The following MPP7 variants were observed in gnomAD, a reference collection of about 807,000 sequenced individuals.
The protein encoded by MPP7 is MAGUK p55 scaffold protein 7, also known as MAGUK p55 subfamily member 7.
In MPP7, 60 loss-of-function variants were observed where a neutral mutation model predicts 76.5. The observed-to-expected ratio is 0.78, with a 90% CI of 0.64 to 0.97. MPP7 has a LOEUF of 0.97. Among genes scored for constraint, MPP7 ranks in the 50% least tolerant of loss-of-function variants. The probability of loss-of-function intolerance (pLI) is 0.00; values close to 1 mark genes in which losing one functional copy is unlikely to be tolerated. For missense variants in MPP7, 641 were observed against 694.0 expected (o/e 0.92, Z 0.86); for synonymous variants, 237 against 244.5 (o/e 0.97, Z 0.29).
intron 2 of MPP7, among the ~76,000 whole-genome samples, chr10:28,309,804 G>T (rs151252673): frequency 0.013 from 2,020 of 151,930 alleles, 57 homozygotes; most frequent in African/African-American, 0.046. Context: ...TTGGAGATCT[G>T]GTTGAGTAAA....
At chr10:28,220,593 A>G (rs1838468475) in intron 2 of MPP7, among the ~76,000 whole-genome samples, 1 of 152,164 alleles carries the variant, frequency 6.6e-6, no homozygotes, top group Non-Finnish European at 1.5e-5. Flanking sequence ...CTCTCATCAC[A>G]TTACTGTAGC....
At chr10:28,321,350 T>C (rs2133183935) in intron 2 of MPP7, among the ~76,000 whole-genome samples, 1 of 152,282 alleles carries the variant, frequency 6.6e-6, no homozygotes, top group African/African-American at 2.4e-5. Context: ...GAACACCCAA[T>C]ACACATCTTC....
chr10:28,136,048 C>T lies in MPP7; in HGVS notation c.316-4357G>A, dbSNP rs182929760. On this transcript the variant is annotated intron_variant, in intron 5 of 16. Transcript: ENST00000683449. ...CAGCAGCATTAGATTCTCATAGGAG[C>T]GTGAACCCTATTGTGAACTGAGTAT... 2.4e-4 allele frequency among the ~76,000 whole-genome samples: 37 copies of T among 152,064 alleles called. No homozygotes were observed. In the East Asian group the frequency reaches 5.2e-3, roughly 21 times the overall value.
chr10:28,232,729 T>A (rs1174851730), intron 2 of MPP7, among the ~76,000 whole-genome samples: 1 of 152,126 alleles, frequency 6.6e-6, no homozygotes, highest in Non-Finnish European at 1.5e-5. Context: ...AATCATAAAC[T>A]ATGTCTTATG....
chr10:28,106,265 T>C (rs1416386699), intron 11 of MPP7, among the ~76,000 whole-genome samples: 3 of 152,312 alleles, frequency 2.0e-5, no homozygotes, highest in East Asian at 1.9e-4. Context: ...TTCTAGACTA[T>C]TACCTCTCGC....
At chr10:28,178,980 A>T (rs1836968000) in intron 3 of MPP7, among the ~76,000 whole-genome samples, 1 of 152,222 alleles carries the variant, frequency 6.6e-6, no homozygotes, top group South Asian at 2.1e-4. Context: ...GCCAATATTC[A>T]CCTAAAAGAA....
At chr10:28,074,985 G>C (rs1254674596) in intron 12 of MPP7, among the ~76,000 whole-genome samples, 1 of 152,100 alleles carries the variant, frequency 6.6e-6, no homozygotes, top group Non-Finnish European at 1.5e-5. Context: ...AGTTCCGCAG[G>C]CTGCCTGTGA....
At chr10:28,168,625 TCTC>T (rs1339765840) in intron 3 of MPP7, among the ~76,000 whole-genome samples, 1 of 152,128 alleles carries the variant, frequency 6.6e-6, no homozygotes, top group African/African-American at 2.4e-5. Flanking sequence ...TTCACACCAT[TCTC>T]CTGCCTCCAC....
intron 12 of MPP7, among the ~76,000 whole-genome samples, chr10:28,070,680 C>T (rs776343333): frequency 2.6e-5 from 4 of 152,184 alleles, no homozygotes; most frequent in Non-Finnish European, 4.4e-5. Context: ...AGACCTTACA[C>T]ACTTTACTCA....
In MPP7 at chr10:28,054,091, C is replaced by T; in HGVS notation, c.1705G>A (p.Val569Met). ...FDKLETETHW[V>M]PVSWLHS ...TATGAATGTAACCAGCTCACTGGCA[C>T]CCAATGGGTCTCTGTCTCTAATTTG... Residue 569 changes from valine (V) to methionine (M), a missense_variant, in exon 17 of 17, where the codon GTG becomes ATG. Physicochemically the swap from Val to Met is conservative, Grantham distance 21. Coordinates refer to ENST00000683449, the MANE Select transcript of MPP7 (RefSeq NM_001318170.2). 6.2e-7 allele frequency: 1 copy of T among 1,613,744 alleles called. No homozygotes were observed. Among genetic ancestry groups the T allele is most frequent in the Non-Finnish European group, 8.5e-7 (1 of 1,179,874 alleles).
intron 1 of MPP7, among the ~76,000 whole-genome samples, chr10:28,296,019 T>A (rs1425363533): frequency 6.6e-6 from 1 of 152,242 alleles, no homozygotes; most frequent in Non-Finnish European, 1.5e-5. Context: ...GTCATTAATT[T>A]TATAAATTTC....
chr10:28,062,090 A>C (rs534325557), intron 13 of MPP7, among the ~76,000 whole-genome samples: 1 of 152,304 alleles, frequency 6.6e-6, no homozygotes, highest in East Asian at 1.9e-4. Flanking sequence ...TAATTGTGTA[A>C]ATGTAAACGT....
At chr10:28,087,784 G>A (rs1184373035) in intron 12 of MPP7, among the ~76,000 whole-genome samples, 1 of 152,194 alleles carries the variant, frequency 6.6e-6, no homozygotes, top group African/African-American at 2.4e-5. Context: ...CTGTGCTGGT[G>A]AAGGAGGCAG....
chr10:28,273,913 T>A (rs1244204157), intron 1 of MPP7, among the ~76,000 whole-genome samples: 1 of 151,994 alleles, frequency 6.6e-6, no homozygotes. Context: ...AAGGATTGCT[T>A]GAGCCCAGGA....
At chr10:28,146,121 C>A (rs1403281395) in intron 5 of MPP7, among the ~76,000 whole-genome samples, 1 of 152,190 alleles carries the variant, frequency 6.6e-6, no homozygotes, top group Non-Finnish European at 1.5e-5. Context: ...TTCTCAGGTG[C>A]AGTCTAAGAC....
At chr10:28,078,959 C>A (rs1412380600) in intron 12 of MPP7, among the ~76,000 whole-genome samples, 1 of 152,058 alleles carries the variant, frequency 6.6e-6, no homozygotes, top group Non-Finnish European at 1.5e-5. Context: ...TGCAAAGATT[C>A]TTTTATGTTT....
chr10:28,239,616 A>C (rs1839200159), intron 1 of MPP7, among the ~76,000 whole-genome samples: 1 of 152,230 alleles, frequency 6.6e-6, no homozygotes, highest in Non-Finnish European at 1.5e-5. Context: ...AAGCTAGCAT[A>C]CATAAGTAAA....
chr10:28,169,884 T>C (rs1465805606), intron 3 of MPP7, among the ~76,000 whole-genome samples: 2 of 152,340 alleles, frequency 1.3e-5, no homozygotes, highest in Non-Finnish European at 2.9e-5. Flanking sequence ...ATGACAGTTT[T>C]GTTTCTTTCT....
chr10:28,306,419 G>A (rs1286002327), upstream of MPP7, among the ~76,000 whole-genome samples: 5 of 152,156 alleles, frequency 3.3e-5, no homozygotes, highest in Non-Finnish European at 7.3e-5. Flanking sequence ...TGGAGGCCAA[G>A]GTGGAAAGAT....
Sources: allele counts gnomAD v4.1 joint callset (sites outside exome capture counted in the v4.1 genomes callset), GRCh38; gene constraint gnomAD v4.1.1; transcripts MANE v1.5; gene names NCBI Gene and HGNC (gene_info 2026-07-23, HGNC 2026-07-21).